Variants in MLYCD observed in about 807,000 individuals in gnomAD.
MLYCD encodes malonyl-CoA decarboxylase, mitochondrial.
Under a neutral mutation model 35.8 loss-of-function variants are expected in MLYCD, and 27 were observed. That is an observed-to-expected ratio of 0.75 (90% CI 0.56 to 1.04). The LOEUF is 1.04. MLYCD is among the 50% of genes least tolerant of loss of function. The probability of loss-of-function intolerance (pLI) is 0.00; values close to 1 mark genes in which losing one functional copy is unlikely to be tolerated. For missense variants in MLYCD, 917 were observed against 665.1 expected (o/e 1.38, Z -4.17); for synonymous variants, 403 against 302.4 (o/e 1.33, Z -3.45).
At position 83,923,754 on chromosome 16, in the gene MLYCD, C is replaced by G. The variant is rs1036095707; in HGVS notation, c.*8265C>G. On this transcript the variant is annotated 3_prime_UTR_variant, in exon 5 of 5. Transcript: ENST00000262430. Reference sequence around the variant, plus strand: ...ACCCAGGCCCGACCACCACCCAGCTCTCCTTCCACCGCACTGGTCCACCTC... The same window carrying G: ...ACCCAGGCCCGACCACCACCCAGCTGTCCTTCCACCGCACTGGTCCACCTC... The G allele has an allele frequency of 1.3e-5, 2 of 152,442 alleles. No individual in the cohort carries two copies. Among genetic ancestry groups the G allele is most frequent in the Admixed American group, 6.5e-5 (1 of 15,288 alleles). The allele number at this position is 152,442 out of a possible 1,614,324, so 9.4% of individuals were successfully genotyped here.
intron 3 of MLYCD, among the ~76,000 whole-genome samples, chr16:83,910,388 C>G (rs1567634930): frequency 6.6e-6 from 1 of 151,936 alleles, no homozygotes; most frequent in East Asian, 1.9e-4. Flanking sequence ...TTGCAGACTT[C>G]TTAAAAAACA....
chr16:83,913,832 G>T (rs1022460019), intron 4 of MLYCD: 1 of 150,402 alleles, frequency 6.6e-6, no homozygotes, highest in East Asian at 1.9e-4. Context: ...ACAGTGGTTC[G>T]GGGTGGGGGA....
At chr16:83,911,928 A>G (rs1907193223) in intron 3 of MLYCD, 1 of 427,368 alleles carries the variant, frequency 2.3e-6, no homozygotes. Flanking sequence ...ACAAAGGCCT[A>G]AAAGAGACAG....
At position 83,899,449 on chromosome 16, in the gene MLYCD, T is replaced by C; in HGVS notation, c.305T>C (p.Val102Ala). Residue 102 changes from valine to alanine, a missense_variant, in exon 1 of 5, where the codon GTG (valine) becomes GCG (alanine). Val to Ala is a moderately conservative substitution (Grantham distance 64). Transcript: ENST00000262430. ...ARGFGVDHGQ[V>A]AEQSAGVLHL... ...GGCTTCGGCGTGGACCACGGCCAGG[T>C]GGCGGAGCAGAGCGCCGGCGTGCTC... 1.3e-6 allele frequency: 2 copies of C among 1,523,586 alleles called. No individual in the cohort carries two copies. The highest frequency in any genetic ancestry group is 1.7e-6 in the Non-Finnish European group (2 of 1,145,662). 94.4% of individuals were successfully genotyped at this position (1,523,586 alleles called of 1,614,324 possible). A position where few individuals can be genotyped will look rare whatever the true frequency, so the allele number is the denominator to read the frequency against.
intron 1 of MLYCD, among the ~76,000 whole-genome samples, chr16:83,905,614 C>G (rs1028374345): frequency 6.6e-6 from 1 of 152,210 alleles, no homozygotes; most frequent in Non-Finnish European, 1.5e-5. Flanking sequence ...ACACCGCCTT[C>G]CAGTCTGCAG....
chr16:83,912,753 C>T (rs186523835), intron 4 of MLYCD: 237 of 338,598 alleles, frequency 7.0e-4, no homozygotes, highest in African/African-American at 4.7e-3. Context: ...CATCCTGCCA[C>T]GCCTGTCCTC....
rs978118716 is a variant in MLYCD, at chr16:83,925,731, G to A, written c.*10242G>A. 1 of 152,760 alleles carries A rather than the reference G, an allele frequency of 6.5e-6. No individual in the cohort carries two copies. The highest frequency in any genetic ancestry group is 2.4e-5 in the African/African-American group (1 of 41,404). The allele number at this position is 152,760 out of a possible 1,614,324, so 9.5% of individuals were successfully genotyped here. A position where few individuals can be genotyped will look rare whatever the true frequency, so the allele number is the denominator to read the frequency against. ...TCCCTGTCCTCCCTCCTTCCTGCGT[G>A]GCACATGCTCCTCCCTCTTCTTGAA... On this transcript the variant is annotated 3_prime_UTR_variant, in exon 5 of 5. Transcript: ENST00000262430.
intron 1 of MLYCD, among the ~76,000 whole-genome samples, chr16:83,906,230 G>C (rs567332687): frequency 1.3e-4 from 19 of 149,858 alleles, no homozygotes; most frequent in African/African-American, 4.7e-4. Flanking sequence ...CTACAAAAAA[G>C]ACAAAAAAAA....
In MLYCD at chr16:83,902,131, A is replaced by ATG. The variant is rs148766722; in HGVS notation, c.528+2476_528+2477dup. Among the ~76,000 whole-genome samples the ATG allele has an allele frequency of 1.9e-3, 235 of 126,292 alleles. 1 individual carries two copies. The highest frequency in any genetic ancestry group is 2.4e-3 in the African/African-American group (80 of 33,376). The allele number at this position is 126,292 out of a possible 152,430, so 82.9% of individuals were successfully genotyped here. A position where few individuals can be genotyped will look rare whatever the true frequency, so the allele number is the denominator to read the frequency against. On this transcript the variant is annotated intron_variant, in intron 1 of 4. Transcript: ENST00000262430. ...TATACACATATATATGTATGTGTATATGTGTGTGTGTGTGTGTGCGTGCGT... is the reference window on the plus strand; with the variant it reads ...TATACACATATATATGTATGTGTATATGTGTGTGTGTGTGTGTGTGCGTGCGT...
rs985338065 is a variant in MLYCD, at chr16:83,917,673, A to G, written c.*2184A>G. On this transcript the variant is annotated 3_prime_UTR_variant, in exon 5 of 5. Transcript: ENST00000262430. The stretch of plus-strand genomic sequence containing the variant: ...CAACCTGCCCGCCCTTCTTGCGGGC[A>G]GAGTTCTTTACCGTAAGCGTCCCCA... 2.0e-5 allele frequency: 3 copies of G among 152,260 alleles called. No homozygotes were observed. Among genetic ancestry groups the G allele is most frequent in the African/African-American group, 7.2e-5 (3 of 41,478 alleles). 9.4% of individuals were successfully genotyped at this position (152,260 alleles called of 1,614,324 possible).
At position 83,926,244 on chromosome 16, in the gene MLYCD, T is replaced by C. The variant is rs1448290769; in HGVS notation, c.*10755T>C. The C allele has an allele frequency of 6.6e-6, 1 of 152,352 alleles. No homozygotes were observed. The highest frequency in any genetic ancestry group is 1.5e-5 in the Non-Finnish European group (1 of 68,170). The allele number at this position is 152,352 out of a possible 1,614,324, so 9.4% of individuals were successfully genotyped here. ...CTCCCAGAGCCCACGAGATCTCACT[T>C]TCTCCAAGCCCAGCTCCCCAAGGAC... On this transcript the variant is annotated 3_prime_UTR_variant, in exon 5 of 5. Coordinates refer to ENST00000262430, the MANE Select transcript of MLYCD (RefSeq NM_012213.3).
rs1353786585 is a variant in MLYCD at position 83,907,046 on chromosome 16, C to G, written c.588C>G (p.Asn196Lys). ...LSEWFSSGFL[N>K]LERVTWHSPC... Reference sequence around the variant, plus strand: ...AATGGTTTTCCTCCGGGTTCCTGAACCTAGAACGGGTTACCTGGCATTCAC... The same window carrying G: ...AATGGTTTTCCTCCGGGTTCCTGAAGCTAGAACGGGTTACCTGGCATTCAC... Residue 196 changes from asparagine (N) to lysine (K), a missense_variant, in exon 2 of 5, where the codon AAC becomes AAG. Asn to Lys is a moderately conservative substitution (Grantham distance 94). Coordinates refer to ENST00000262430, the MANE Select transcript of MLYCD (RefSeq NM_012213.3). The G allele has an allele frequency of 1.2e-6, 2 of 1,614,088 alleles. No homozygotes were observed. The highest frequency in any genetic ancestry group is 4.5e-5 in the East Asian group (2 of 44,900).
At position 83,926,483 on chromosome 16, in the gene MLYCD, C is replaced by T; in HGVS notation, c.*10994C>T. 1 of 152,234 alleles carries T rather than the reference C, an allele frequency of 6.6e-6. No homozygotes were observed. Among genetic ancestry groups the T allele is most frequent in the African/African-American group, 2.4e-5 (1 of 41,440 alleles). The allele number at this position is 152,234 out of a possible 1,614,324, so 9.4% of individuals were successfully genotyped here. On this transcript the variant is annotated 3_prime_UTR_variant, in exon 5 of 5. Coordinates refer to ENST00000262430, the MANE Select transcript of MLYCD (RefSeq NM_012213.3). ...TCCATCCGGGGAAGTTCCCTTTAAACCCAAAAGGGGACGGTGAAGCCACAC... is the reference window on the plus strand; with the variant it reads ...TCCATCCGGGGAAGTTCCCTTTAAATCCAAAAGGGGACGGTGAAGCCACAC...
Position 83,924,724 on chromosome 16 carries a change from A to C in MLYCD, c.*9235A>C, listed in dbSNP as rs1388716080. ...GCTCCAGAGAGAACTGGCCATTTGCAGTCTCCACCCCAGTGTGGCTCACGA... is the reference window on the plus strand; with the variant it reads ...GCTCCAGAGAGAACTGGCCATTTGCCGTCTCCACCCCAGTGTGGCTCACGA... On this transcript the variant is annotated 3_prime_UTR_variant, in exon 5 of 5. Transcript: ENST00000262430. 1.3e-5 allele frequency: 2 copies of C among 152,134 alleles called. No homozygotes were observed. Among genetic ancestry groups the C allele is most frequent in the Admixed American group, 1.3e-4 (2 of 15,270 alleles). The allele number at this position is 152,134 out of a possible 1,614,324, so 9.4% of individuals were successfully genotyped here.
intron 3 of MLYCD, among the ~76,000 whole-genome samples, chr16:83,910,054 G>A (rs965230694): frequency 2.6e-5 from 4 of 151,988 alleles, no homozygotes; most frequent in African/African-American, 9.7e-5. Flanking sequence ...TGACTCTAAG[G>A]GCACGTGAGA....
At chr16:83,912,564 C>T in intron 4 of MLYCD, 197 bp downstream of exon 4, 1 of 681,170 alleles carries the variant, frequency 1.5e-6, no homozygotes, top group Non-Finnish European at 2.5e-6. Flanking sequence ...GAGAATGATG[C>T]TGAGAGAGGC....
Position 83,917,407 on chromosome 16 carries a change from T to G in MLYCD, c.*1918T>G, listed in dbSNP as rs1287075771. 1 of 154,268 alleles carries G rather than the reference T, an allele frequency of 6.5e-6. No homozygotes were observed. Among genetic ancestry groups the G allele is most frequent in the Non-Finnish European group, 1.5e-5 (1 of 68,172 alleles). The allele number at this position is 154,268 out of a possible 1,614,324, so 9.6% of individuals were successfully genotyped here. ...TGCATGTGCATGTGCTTACACGTCTTTGTGTGTCTGTGTGCGTGTGTCCGC... is the reference window on the plus strand; with the variant it reads ...TGCATGTGCATGTGCTTACACGTCTGTGTGTGTCTGTGTGCGTGTGTCCGC... On this transcript the variant is annotated 3_prime_UTR_variant, in exon 5 of 5. Transcript: ENST00000262430.
chr16:83,926,745 G>T lies in MLYCD; in HGVS notation c.*11256G>T, dbSNP rs62047936. On this transcript the variant is annotated 3_prime_UTR_variant, in exon 5 of 5. Transcript: ENST00000262430. ...GCATGGCAGGCTCTTTACGGACAGC[G>T]CAGGGACGCACTTTGATGCTGAAAA... The T allele has an allele frequency of 6.6e-6, 1 of 152,242 alleles. No homozygotes were observed. The highest frequency in any genetic ancestry group is 1.9e-4 in the East Asian group (1 of 5,188). 9.4% of individuals were successfully genotyped at this position (152,242 alleles called of 1,614,324 possible).
intron 1 of MLYCD, among the ~76,000 whole-genome samples, chr16:83,902,333 A>G (rs1244536043): frequency 4.7e-5 from 7 of 150,496 alleles, no homozygotes; most frequent in African/African-American, 1.7e-4. Context: ...TGCTGGGATT[A>G]TAGATAGGTG....
Sources: allele counts gnomAD v4.1 joint callset (sites outside exome capture counted in the v4.1 genomes callset), GRCh38; gene constraint gnomAD v4.1.1; transcripts MANE v1.5; gene names NCBI Gene and HGNC (gene_info 2026-07-23, HGNC 2026-07-21).